UBE2QL1: variants seen among roughly 807,000 people sequenced by gnomAD.
UBE2QL1 encodes the protein ubiquitin conjugating enzyme E2 QL1.
Under a neutral mutation model 12.6 loss-of-function variants are expected in UBE2QL1, and 5 were observed. The observed-to-expected ratio is 0.40, with a 90% CI of 0.21 to 0.83. The LOEUF (loss-of-function observed/expected upper bound fraction) is 0.83. Among genes scored for constraint, UBE2QL1 ranks in the 40% least tolerant of loss-of-function variants. UBE2QL1 has a pLI of 0.37. For synonymous variants in UBE2QL1, 96 were observed against 94.5 expected, an observed-to-expected ratio of 1.02 and a Z score of -0.10; for missense variants, 99 against 222.6, an observed-to-expected ratio of 0.44 and a Z score of 3.53.
At chr5:6,454,177 C>T (rs1016788445) in intron 1 of UBE2QL1, among the ~76,000 whole-genome samples, 8 of 152,150 alleles carry the variant, frequency 5.3e-5, no homozygotes, top group African/African-American at 1.9e-4. Context: ...CCACCTCACC[C>T]AGCCATACAA....
intron 1 of UBE2QL1, among the ~76,000 whole-genome samples, chr5:6,472,509 T>G (rs985148142): frequency 3.0e-4 from 46 of 152,268 alleles, no homozygotes; most frequent in African/African-American, 1.1e-3. Context: ...AACTGCTGCT[T>G]TCCTTGTGCT....
At position 6,493,880 on chromosome 5, in the gene UBE2QL1, C is replaced by A. The variant is rs1734622486; in HGVS notation, c.*2531C>A. The A allele has an allele frequency of 6.6e-6, 1 of 152,168 alleles. No individual in the cohort carries two copies. Among genetic ancestry groups the A allele is most frequent in the Non-Finnish European group, 1.5e-5 (1 of 68,054 alleles). The allele number at this position is 152,168 out of a possible 1,614,324, so 9.4% of individuals were successfully genotyped here. A position where few individuals can be genotyped will look rare whatever the true frequency, so the allele number is the denominator to read the frequency against. ...TGCCTTGGCCACAGCCTCCTTCCAC[C>A]CCACTGAAGTGGACACCTGCCTCTG... is the stretch of plus-strand genomic sequence containing the variant. On this transcript the variant is annotated 3_prime_UTR_variant, in exon 2 of 2. Transcript: ENST00000399816.
intron 1 of UBE2QL1, among the ~76,000 whole-genome samples, chr5:6,466,756 C>T (rs1424189709): frequency 6.6e-6 from 1 of 152,234 alleles, no homozygotes; most frequent in African/African-American, 2.4e-5. Context: ...CACTCCGGCC[C>T]TACATACATC....
chr5:6,469,834 T>G (rs1739872369), intron 1 of UBE2QL1, among the ~76,000 whole-genome samples: 1 of 152,174 alleles, frequency 6.6e-6, no homozygotes, highest in Admixed American at 6.5e-5. Context: ...GCTGCCAACT[T>G]TGATCTGCCC....
Position 6,481,257 on chromosome 5 carries a change from C to T in UBE2QL1, c.355-9961C>T, listed in dbSNP as rs1734353500. On this transcript the variant is annotated intron_variant, in intron 1 of 1. Coordinates refer to ENST00000399816, the MANE Select transcript of UBE2QL1 (RefSeq NM_001145161.3). This position sits in a 1 kb window ranked among gnomAD's most constrained non-coding sequence, Gnocchi z 4.5. The stretch of plus-strand genomic sequence containing the variant: ...CACCCATCCTCCCAGGACCCCACAG[C>T]CTGCTCCTAAGACAGCGTCTCTCTC... Among the ~76,000 whole-genome samples the T allele has an allele frequency of 1.3e-5, 2 of 152,224 alleles. No homozygotes were observed. The highest frequency in any genetic ancestry group is 4.1e-4 in the South Asian group (2 of 4,836).
chr5:6,449,479 T>C (rs1302649996), intron 1 of UBE2QL1, among the ~76,000 whole-genome samples: 1 of 152,094 alleles, frequency 6.6e-6, no homozygotes, highest in African/African-American at 2.4e-5. Context: ...CCGTCTGGTC[T>C]CAGTCTCTGC....
intron 1 of UBE2QL1, among the ~76,000 whole-genome samples, chr5:6,464,524 G>C (rs1167654523): frequency 6.6e-6 from 1 of 152,164 alleles, no homozygotes; most frequent in African/African-American, 2.4e-5. Flanking sequence ...GTAGTTGAGG[G>C]TTCTTGGCCC....
rs776890108 is a variant in UBE2QL1, at chr5:6,461,542, C to CG, written c.354+12295_354+12296insG. Among the ~76,000 whole-genome samples, 20 of 86,426 alleles carry CG rather than the reference C, an allele frequency of 2.3e-4. 4 individuals are homozygous for CG. The highest frequency in any genetic ancestry group is 3.6e-4 in the Non-Finnish European group (15 of 41,992). 56.7% of individuals were successfully genotyped at this position (86,426 alleles called of 152,430 possible). On this transcript the variant is annotated intron_variant, in intron 1 of 1. Coordinates refer to ENST00000399816, the MANE Select transcript of UBE2QL1 (RefSeq NM_001145161.3). ...ATCCCCAGTGTTTTTCAGCACCCAC[C>CG]ACCCCCCCCCGCCGGCATATCATTC... is the stretch of plus-strand genomic sequence containing the variant.
Position 6,481,844 on chromosome 5 carries a change from C to T in UBE2QL1, c.355-9374C>T, listed in dbSNP as rs79322332. On this transcript the variant is annotated intron_variant, in intron 1 of 1. Transcript: ENST00000399816. The surrounding 1 kb of genome is among the most constrained non-coding windows in gnomAD (Gnocchi z 4.5). ...CACAAGGAAAACATGGCCCAATGTGCGCCCACCTGCAGAATGGGTGCAAGT... is the reference window on the plus strand; with the variant it reads ...CACAAGGAAAACATGGCCCAATGTGTGCCCACCTGCAGAATGGGTGCAAGT... Among the ~76,000 whole-genome samples the T allele has an allele frequency of 9.6e-4, 146 of 152,320 alleles. 1 individual carries two copies. In the East Asian group the frequency reaches 0.025, roughly 26 times the overall value.
chr5:6,465,623 G>A (rs995084690), intron 1 of UBE2QL1, among the ~76,000 whole-genome samples: 1 of 152,138 alleles, frequency 6.6e-6, no homozygotes, highest in South Asian at 2.1e-4. Flanking sequence ...TCTTGGGGGG[G>A]CTCTGGGATG....
At chr5:6,453,588 G>A (rs1207694214) in intron 1 of UBE2QL1, among the ~76,000 whole-genome samples, 1 of 152,234 alleles carries the variant, frequency 6.6e-6, no homozygotes, top group Non-Finnish European at 1.5e-5. Flanking sequence ...TAAGGAAACA[G>A]TAAAGGGCTC....
chr5:6,467,859 G>A (rs1310509805), intron 1 of UBE2QL1, among the ~76,000 whole-genome samples: 2 of 151,986 alleles, frequency 1.3e-5, no homozygotes, highest in Non-Finnish European at 2.9e-5. Context: ...GGTTTTGCAG[G>A]TTTATCTGTT....
At chr5:6,477,073 C>A (rs1325535876) in intron 1 of UBE2QL1, among the ~76,000 whole-genome samples, 3 of 152,046 alleles carry the variant, frequency 2.0e-5, no homozygotes, top group Non-Finnish European at 2.9e-5. Context: ...GAAGTAGGAC[C>A]CTCTACACAC....
At chr5:6,453,133 G>C (rs373725138) in intron 1 of UBE2QL1, among the ~76,000 whole-genome samples, 4 of 152,238 alleles carry the variant, frequency 2.6e-5, no homozygotes, top group African/African-American at 9.6e-5. Flanking sequence ...TGGGCCAGCA[G>C]AGAACATAGG....
rs1231371575 is a variant in UBE2QL1, at chr5:6,476,093, G to A, written c.355-15125G>A. Among the ~76,000 whole-genome samples the A allele has an allele frequency of 6.6e-6, 1 of 152,332 alleles. No homozygotes were observed. The highest frequency in any genetic ancestry group is 2.1e-4 in the South Asian group (1 of 4,822). On this transcript the variant is annotated intron_variant, in intron 1 of 1. Transcript: ENST00000399816. This position sits in a 1 kb window ranked among gnomAD's most constrained non-coding sequence, Gnocchi z 4.9. ...GGACTTCAAAATCAGGGTGGGGTAT[G>A]CCTGCTTAGTCATGGATGAGTATCT...
chr5:6,452,384 A>G (rs1739428389), intron 1 of UBE2QL1, among the ~76,000 whole-genome samples: 2 of 152,216 alleles, frequency 1.3e-5, no homozygotes, highest in African/African-American at 4.8e-5. Context: ...CTATGTAGAA[A>G]TAATGATATA....
chr5:6,491,129 CCCA>C, intron 1 of UBE2QL1, 86 bp from the exon 2 acceptor site: 2 of 1,398,996 alleles, frequency 1.4e-6, no homozygotes, highest in Non-Finnish European at 1.9e-6. Flanking sequence ...ATCAGAAATC[CCCA>C]CGACTCTGTG....
intron 1 of UBE2QL1, among the ~76,000 whole-genome samples, chr5:6,461,545 C>CT (rs1553987862): frequency 9.2e-6 from 1 of 108,566 alleles, no homozygotes; most frequent in South Asian, 3.9e-4. Flanking sequence ...CACCCACCAC[C>CT]CCCCCCCGCC....
intron 1 of UBE2QL1, among the ~76,000 whole-genome samples, chr5:6,470,161 C>A (rs571557489): frequency 6.6e-6 from 1 of 152,272 alleles, no homozygotes; most frequent in Admixed American, 6.5e-5. Flanking sequence ...GAAGGATGGA[C>A]CCCTGGAAGC....
Sources: allele counts gnomAD v4.1 joint callset (sites outside exome capture counted in the v4.1 genomes callset), GRCh38; gene constraint gnomAD v4.1.1; non-coding constraint Gnocchi (gnomAD v3.1); transcripts MANE v1.5; gene names NCBI Gene and HGNC (gene_info 2026-07-23, HGNC 2026-07-21).